CNTNAP2: variants seen among roughly 807,000 people sequenced by gnomAD.
CNTNAP2 encodes contactin associated protein 2.
CNTNAP2 carries 98 observed loss-of-function variants against 155.2 expected under a neutral mutation model. That is an observed-to-expected ratio of 0.63 (90% confidence interval 0.54 to 0.75). CNTNAP2 has a LOEUF of 0.75. CNTNAP2 is among the 30% of genes least tolerant of loss of function. The pLI, the probability that CNTNAP2 is intolerant of heterozygous loss-of-function variation, is 0.00. For synonymous variants in CNTNAP2, 651 were observed against 631.2 expected, an observed-to-expected ratio of 1.03 and a Z score of -0.47; for missense variants, 1,727 against 1,688.1, an observed-to-expected ratio of 1.02 and a Z score of -0.40.
At chr7:147,160,936 G>T (rs1441467666) in intron 8 of CNTNAP2, among the ~76,000 whole-genome samples, 1 of 152,066 alleles carries the variant, frequency 6.6e-6, no homozygotes, top group African/African-American at 2.4e-5. Flanking sequence ...AATAAATTTG[G>T]ATTATTTCCT....
intron 13 of CNTNAP2, among the ~76,000 whole-genome samples, chr7:147,890,415 T>C (rs935582865): frequency 2.0e-5 from 3 of 152,220 alleles, no homozygotes; most frequent in African/African-American, 7.2e-5. Flanking sequence ...AGGACGACCA[T>C]TATGAGAAAC....
intron 21 of CNTNAP2, among the ~76,000 whole-genome samples, chr7:148,337,820 G>A (rs1798146046): frequency 1.3e-5 from 2 of 152,218 alleles, no homozygotes; most frequent in African/African-American, 4.8e-5. Context: ...TCCACAGTGA[G>A]TAAGCTCTTA....
intron 11 of CNTNAP2, among the ~76,000 whole-genome samples, chr7:147,502,729 GTGTGTGTGTGTGTA>G (rs1373151970): frequency 1.6e-5 from 2 of 126,990 alleles, no homozygotes; most frequent in Non-Finnish European, 3.3e-5. Context: ...GTGTGTGTGT[GTGTGTGTGTGTGTA>G]TATATATATA....
chr7:147,213,578 A>C (rs1337179195), intron 8 of CNTNAP2, among the ~76,000 whole-genome samples: 1 of 152,114 alleles, frequency 6.6e-6, no homozygotes, highest in Non-Finnish European at 1.5e-5. Context: ...TCGCAAAAAA[A>C]AAAATAACAT....
At chr7:146,240,048 A>G (rs1163644994) in intron 1 of CNTNAP2, among the ~76,000 whole-genome samples, 2 of 152,178 alleles carry the variant, frequency 1.3e-5, no homozygotes, top group Non-Finnish European at 2.9e-5. Flanking sequence ...AACCCATTTT[A>G]TCCATTGTAA....
At chr7:147,563,230 C>T (rs1419866672) in intron 12 of CNTNAP2, among the ~76,000 whole-genome samples, 1 of 152,092 alleles carries the variant, frequency 6.6e-6, no homozygotes, top group East Asian at 1.9e-4. Context: ...TGTATGAATA[C>T]AATAAGGTAA....
At chr7:148,022,519 A>C (rs1192405299) in intron 15 of CNTNAP2, among the ~76,000 whole-genome samples, 2 of 151,532 alleles carry the variant, frequency 1.3e-5, no homozygotes, top group East Asian at 3.9e-4. Context: ...AAGAATATCC[A>C]GTGTGGCTTC....
At position 146,532,487 on chromosome 7, in the gene CNTNAP2, A is replaced by G. The variant is rs181562562; in HGVS notation, c.98-241784A>G. The stretch of plus-strand genomic sequence containing the variant: ...ACTTTCTTCTGAAACTTGGAGTGTT[A>G]TTGTATAGGACACAATTTTATGTGA... On this transcript the variant is annotated intron_variant, in intron 1 of 23. Transcript: ENST00000361727. Among the ~76,000 whole-genome samples the G allele has an allele frequency of 8.7e-4, 132 of 152,144 alleles. 1 individual carries two copies. The highest frequency in any genetic ancestry group is 2.8e-4 in the Non-Finnish European group (19 of 67,992).
intron 2 of CNTNAP2, among the ~76,000 whole-genome samples, chr7:146,823,479 A>G (rs1446537196): frequency 1.5e-5 from 2 of 130,552 alleles, no homozygotes; most frequent in Non-Finnish European, 3.1e-5. Context: ...ATGGAAATAT[A>G]CTCATTCTTC....
At chr7:147,673,568 G>A (rs1318460416) in intron 13 of CNTNAP2, among the ~76,000 whole-genome samples, 1 of 152,120 alleles carries the variant, frequency 6.6e-6, no homozygotes, top group East Asian at 1.9e-4. Flanking sequence ...TTACCCCATT[G>A]AGAAAGTACT....
chr7:147,589,630 G>C (rs560511635), intron 12 of CNTNAP2, among the ~76,000 whole-genome samples: 1 of 152,028 alleles, frequency 6.6e-6, no homozygotes, highest in South Asian at 2.1e-4. Context: ...ACATAATATT[G>C]CCAAGACTCA....
intron 13 of CNTNAP2, among the ~76,000 whole-genome samples, chr7:147,688,501 ACAGCCTAT>A (rs1796046627): frequency 6.6e-6 from 1 of 152,128 alleles, no homozygotes; most frequent in Non-Finnish European, 1.5e-5. Context: ...AACTCCCAGA[ACAGCCTAT>A]CAGGTCACAA....
chr7:146,968,480 A>G (rs1797708350), intron 3 of CNTNAP2, among the ~76,000 whole-genome samples: 1 of 152,002 alleles, frequency 6.6e-6, no homozygotes, highest in South Asian at 2.1e-4. Flanking sequence ...TATTGCCACA[A>G]TTTCAGAGCC....
intron 18 of CNTNAP2, among the ~76,000 whole-genome samples, chr7:148,211,912 C>T (rs1795558331): frequency 6.6e-6 from 1 of 152,010 alleles, no homozygotes; most frequent in African/African-American, 2.4e-5. Context: ...GGAAAAGAGC[C>T]CATTTGCAAG....
intron 1 of CNTNAP2, among the ~76,000 whole-genome samples, chr7:146,463,025 C>G (rs1796661791): frequency 6.6e-6 from 1 of 152,110 alleles, no homozygotes; most frequent in South Asian, 2.1e-4. Flanking sequence ...GGCCTACACT[C>G]CAGTTCGTCA....
At chr7:147,972,321 T>C (rs930508876) in intron 14 of CNTNAP2, among the ~76,000 whole-genome samples, 2 of 152,226 alleles carry the variant, frequency 1.3e-5, no homozygotes, top group South Asian at 2.1e-4. Context: ...TCTACTCTGC[T>C]AGAATTACTG....
intron 10 of CNTNAP2, among the ~76,000 whole-genome samples, chr7:147,405,768 A>C (rs1796995789): frequency 6.6e-6 from 1 of 152,220 alleles, no homozygotes; most frequent in Admixed American, 6.5e-5. Flanking sequence ...AAACATTTGC[A>C]GAGATTCATA....
chr7:146,156,667 A>G (rs932595249), intron 1 of CNTNAP2, among the ~76,000 whole-genome samples: 3 of 152,142 alleles, frequency 2.0e-5, no homozygotes, highest in Non-Finnish European at 2.9e-5. Context: ...CAGTGGCACA[A>G]TTTCGGCTCA....
intron 1 of CNTNAP2, among the ~76,000 whole-genome samples, chr7:146,169,772 T>C (rs1372853937): frequency 2.6e-5 from 4 of 151,320 alleles, no homozygotes; most frequent in Non-Finnish European, 4.4e-5. Context: ...TCCAGGTTCA[T>C]CCATGTTGTT....
Sources: gnomAD v4.1 joint callset for allele counts (sites outside exome capture counted in the v4.1 genomes callset) on GRCh38, gnomAD v4.1.1 for gene constraint, MANE v1.5 for transcripts, NCBI Gene and HGNC (gene_info 2026-07-23, HGNC 2026-07-21) for gene names.